Variants in ASB3 observed in about 807,000 individuals in gnomAD.
ASB3 encodes ankyrin repeat and SOCS box containing 3, also known as ankyrin repeat and SOCS box protein 3.
In ASB3, 41 loss-of-function variants were observed where a neutral mutation model predicts 54.5. The ratio of observed to expected loss-of-function variants is 0.75; its 90% confidence interval spans 0.59 to 0.98. The LOEUF is 0.98. Ranked by LOEUF, ASB3 falls within the 50% of genes least tolerant of loss-of-function variation. The probability of loss-of-function intolerance (pLI) is 0.00; values close to 1 mark genes in which losing one functional copy is unlikely to be tolerated. For missense variants in ASB3, 733 were observed against 620.0 expected, an observed-to-expected ratio of 1.18 and a Z score of -1.94; for synonymous variants, 266 against 221.2, an observed-to-expected ratio of 1.20 and a Z score of -1.80.
rs566601376 is a variant in ASB3, at chr2:53,759,623, G to T, written c.196+5754C>A. Among the ~76,000 whole-genome samples the T allele has an allele frequency of 1.6e-4, 24 of 152,258 alleles. No homozygotes were observed. In the South Asian group the frequency reaches 5.0e-3, roughly 32 times the overall value. On this transcript the variant is annotated intron_variant, in intron 2 of 9. Coordinates refer to ENST00000263634, the MANE Select transcript of ASB3 (RefSeq NM_016115.5). ...CTTTAGTCATGGTCTTCAGGCAAAT[G>T]GACTTTGAAGGCTCTGGAACAGGGA...
intron 3 of ASB3, among the ~76,000 whole-genome samples, chr2:53,745,609 G>A (rs1419686273): frequency 6.6e-6 from 1 of 152,104 alleles, no homozygotes; most frequent in African/African-American, 2.4e-5. Flanking sequence ...CGGTCACCTG[G>A]GAGATTTCCA....
rs1673393797 is a variant in ASB3, at chr2:53,765,556, G to A, written c.17C>T (p.Ala6Val). The A allele has an allele frequency of 1.2e-6, 2 of 1,614,074 alleles. No individual in the cohort carries two copies. Among genetic ancestry groups the A allele is most frequent in the Non-Finnish European group, 1.7e-6 (2 of 1,180,028 alleles). The stretch of plus-strand genomic sequence containing the variant: ...AACTGTAGAGCACGTGTCCGCGTAA[G>A]CCTCTGTAAAATCCATTTGTTTGAC... Reference protein sequence around the residue: MDFTEAYADTCSTVGL... With the variant: MDFTEVYADTCSTVGL... Residue 6 changes from alanine to valine, a missense_variant, in exon 2 of 10, where the codon GCT becomes GTT. Ala to Val is a moderately conservative substitution (Grantham distance 64). Transcript: ENST00000263634.
intron 9 of ASB3, among the ~76,000 whole-genome samples, chr2:53,671,585 C>T (rs1336965649): frequency 2.6e-5 from 4 of 152,012 alleles, no homozygotes; most frequent in African/African-American, 9.7e-5. Context: ...CATGGTGAAA[C>T]AACGTCTCTA....
intron 3 of ASB3, among the ~76,000 whole-genome samples, chr2:53,731,170 G>C (rs572723674): frequency 6.6e-6 from 1 of 152,192 alleles, no homozygotes; most frequent in Non-Finnish European, 1.5e-5. Flanking sequence ...GGGAGGCTAA[G>C]GCGGGTGGAC....
chr2:53,776,810 C>T (rs1053241025), intron 1 of ASB3, among the ~76,000 whole-genome samples: 1 of 152,082 alleles, frequency 6.6e-6, no homozygotes, highest in Admixed American at 6.5e-5. Flanking sequence ...CAGAGCAAGA[C>T]CCTGTCTCAA....
intron 3 of ASB3, among the ~76,000 whole-genome samples, chr2:53,747,257 AG>A (rs1672276124): frequency 6.6e-6 from 1 of 152,214 alleles, no homozygotes; most frequent in South Asian, 2.1e-4. Flanking sequence ...ATAAAGAAAA[AG>A]AATACAGCTG....
chr2:53,688,193 G>T (rs1668732046), intron 9 of ASB3, among the ~76,000 whole-genome samples: 1 of 152,200 alleles, frequency 6.6e-6, no homozygotes, highest in Non-Finnish European at 1.5e-5. Context: ...CTTGGCTATA[G>T]GCTAGGTTAT....
At chr2:53,721,478 G>A (rs1281405420) in intron 5 of ASB3, among the ~76,000 whole-genome samples, 1 of 151,896 alleles carries the variant, frequency 6.6e-6, no homozygotes, top group Non-Finnish European at 1.5e-5. Flanking sequence ...GACTGAGGCA[G>A]GAGAATTGCT....
chr2:53,683,782 T>C (rs937984255), intron 9 of ASB3, among the ~76,000 whole-genome samples: 1 of 152,162 alleles, frequency 6.6e-6, no homozygotes, highest in African/African-American at 2.4e-5. Flanking sequence ...CTAATGATCC[T>C]TTGAATTTCT....
Position 53,680,233 on chromosome 2 carries a change from G to T in ASB3, c.1370-9543C>A, listed in dbSNP as rs144819173. Among the ~76,000 whole-genome samples the T allele has an allele frequency of 4.6e-4, 70 of 152,334 alleles. 1 individual carries two copies. In the East Asian group the frequency reaches 5.0e-3, roughly 11 times the overall value. On this transcript the variant is annotated intron_variant, in intron 9 of 9. Coordinates refer to ENST00000263634, the MANE Select transcript of ASB3 (RefSeq NM_016115.5). Reference sequence around the variant, plus strand: ...TGTACATGTGTCTTTATGACAGAAAGATTTCTATTCCTAAGGGTATATACC... The same window carrying T: ...TGTACATGTGTCTTTATGACAGAAATATTTCTATTCCTAAGGGTATATACC...
intron 9 of ASB3, 32 bp from the exon 10 acceptor site, chr2:53,670,722 T>A: frequency 1.3e-6 from 2 of 1,585,232 alleles, no homozygotes; most frequent in Non-Finnish European, 1.7e-6. Context: ...GGTGAAACTT[T>A]TTTAAACAGA....
chr2:53,676,145 T>C (rs1668070181), intron 9 of ASB3, among the ~76,000 whole-genome samples: 1 of 152,208 alleles, frequency 6.6e-6, no homozygotes, highest in African/African-American at 2.4e-5. Context: ...TGAGCAAAAC[T>C]ATGGATGTAT....
At chr2:53,765,156 C>T (rs1399135364) in intron 2 of ASB3, among the ~76,000 whole-genome samples, 14 of 152,126 alleles carry the variant, frequency 9.2e-5, no homozygotes, top group Admixed American at 9.2e-4. Flanking sequence ...TAAAAAGAGG[C>T]CAGACAGAGG....
chr2:53,774,595 CTTATT>C, intron 1 of ASB3: 2 of 1,175,500 alleles, frequency 1.7e-6, no homozygotes, highest in Non-Finnish European at 2.4e-6. Context: ...ACTTAAAGAT[CTTATT>C]TTTAATGTAG....
intron 7 of ASB3, among the ~76,000 whole-genome samples, chr2:53,711,286 T>C (rs115564224): frequency 0.01 from 1,545 of 152,276 alleles, 25 homozygotes; most frequent in African/African-American, 0.036. Context: ...GCCCACAGGG[T>C]TCCATTTACC....
At chr2:53,726,667 T>C (rs958896710) in intron 5 of ASB3, among the ~76,000 whole-genome samples, 4 of 151,132 alleles carry the variant, frequency 2.6e-5, no homozygotes, top group African/African-American at 7.3e-5. Flanking sequence ...TACACACACA[T>C]ATATATATAC....
chr2:53,745,294 T>TA (rs1488995352), intron 3 of ASB3, among the ~76,000 whole-genome samples: 1 of 152,224 alleles, frequency 6.6e-6, no homozygotes, highest in Middle Eastern at 3.4e-3. Context: ...GACTCCTTGT[T>TA]AAAAAATAAA....
chr2:53,779,065 T>G (rs779610026), intron 1 of ASB3, among the ~76,000 whole-genome samples: 1 of 152,230 alleles, frequency 6.6e-6, no homozygotes, highest in Non-Finnish European at 1.5e-5. Flanking sequence ...ATCTGTTTGA[T>G]AGTAGCCATT....
intron 1 of ASB3, chr2:53,774,291 G>A (rs1347621844): frequency 5.0e-6 from 8 of 1,614,096 alleles, no homozygotes; most frequent in Non-Finnish European, 2.5e-6. Context: ...TCAGTGTATT[G>A]CTATATATTG....
Sources: allele counts gnomAD v4.1 joint callset (sites outside exome capture counted in the v4.1 genomes callset), GRCh38; gene constraint gnomAD v4.1.1; transcripts MANE v1.5; gene names NCBI Gene and HGNC (gene_info 2026-07-23, HGNC 2026-07-21).